Variants in SEPTIN9 observed in about 807,000 individuals in gnomAD.
SEPTIN9 encodes septin 9.
In SEPTIN9, 13 loss-of-function variants were observed where a neutral mutation model predicts 56.6. The ratio of observed to expected loss-of-function variants is 0.23; its 90% CI spans 0.15 to 0.37. The LOEUF (loss-of-function observed/expected upper bound fraction) is 0.37, where lower values mean the gene tolerates loss of function less well. Among genes scored for constraint, SEPTIN9 ranks in the 10% least tolerant of loss-of-function variants. SEPTIN9 has a pLI of 1.00. For missense variants in SEPTIN9, 650 were observed against 823.1 expected (o/e 0.79, Z 2.57); for synonymous variants, 332 against 334.1 (o/e 0.99, Z 0.07).
At chr17:77,399,190 C>G (rs2035824137) in intron 2 of SEPTIN9, among the ~76,000 whole-genome samples, 3 of 152,212 alleles carry the variant, frequency 2.0e-5, no homozygotes, top group Non-Finnish European at 4.4e-5. Flanking sequence ...CACACCAGGG[C>G]AGCCTCTGCT....
intron 2 of SEPTIN9, among the ~76,000 whole-genome samples, chr17:77,377,943 T>C (rs2034991504): frequency 6.6e-6 from 1 of 151,988 alleles, no homozygotes; most frequent in South Asian, 2.1e-4. Context: ...CTTACACGGG[T>C]CCCACAGCCA....
At chr17:77,454,351 G>A (rs1598400210) in intron 3 of SEPTIN9, 8 of 985,394 alleles carry the variant, frequency 8.1e-6, no homozygotes, top group East Asian at 2.3e-4. Context: ...GTGCCAGCCC[G>A]GTTCCCGGAC....
At chr17:77,340,219 C>T (rs2143752730) in intron 2 of SEPTIN9, among the ~76,000 whole-genome samples, 1 of 152,150 alleles carries the variant, frequency 6.6e-6, no homozygotes, top group South Asian at 2.1e-4. Flanking sequence ...CGGCTCACTG[C>T]AACCTCCGCC....
chr17:77,373,180 G>A, intron 2 of SEPTIN9: 1 of 1,071,896 alleles, frequency 9.3e-7, no homozygotes, highest in Non-Finnish European at 1.1e-6. Flanking sequence ...CGGCCACTCG[G>A]GCCCCAGCCC....
At chr17:77,408,243 G>C (rs913030412) in intron 3 of SEPTIN9, among the ~76,000 whole-genome samples, 1 of 152,226 alleles carries the variant, frequency 6.6e-6, no homozygotes, top group Admixed American at 6.5e-5. Flanking sequence ...ATCTGCAGAG[G>C]TGGCTGGGGG....
chr17:77,420,669 ATCTG>A (rs938580920), intron 3 of SEPTIN9, among the ~76,000 whole-genome samples: 1 of 151,660 alleles, frequency 6.6e-6, no homozygotes, highest in Non-Finnish European at 1.5e-5. Flanking sequence ...TCTGTCCCCC[ATCTG>A]TCTCCCACCC....
chr17:77,387,935 CT>C (rs1194635036), intron 2 of SEPTIN9, among the ~76,000 whole-genome samples: 1 of 144,212 alleles, frequency 6.9e-6, no homozygotes, highest in Non-Finnish European at 1.5e-5. Context: ...CAGAGCTTCA[CT>C]TCCCCAAAGG....
rs572909450 is a variant in SEPTIN9 at position 77,455,085 on chromosome 17, A to C, written c.722-27059A>C. Among the ~76,000 whole-genome samples the C allele has an allele frequency of 5.3e-5, 8 of 150,164 alleles. No individual in the cohort carries two copies. The South Asian group carries it at 1.7e-3, about 32-fold the overall frequency. The stretch of plus-strand genomic sequence containing the variant: ...TCCCTCCCTTTTCCCTATAAATAAC[A>C]CTAAATGCGATTTGTCAATGCATTC... On this transcript the variant is annotated intron_variant, in intron 3 of 11. Transcript: ENST00000427177.
rs2035924891 is a variant in SEPTIN9 at position 77,402,242 on chromosome 17, A to C, written c.260A>C (p.Lys87Thr). ...HVDSLSQRSP[K>T]ASLRRVELSG... Reference sequence around the variant, plus strand: ...GACTCCCTAAGCCAACGCTCCCCCAAGGCGTCCCTGCGGAGGGTGGAGCTC... The same window carrying C: ...GACTCCCTAAGCCAACGCTCCCCCACGGCGTCCCTGCGGAGGGTGGAGCTC... The change falls in exon 3 of 12, where the codon AAG becomes ACG. Residue 87 changes from lysine to threonine, a missense_variant. Transcript: ENST00000427177. The surrounding 1 kb of genome is among the most constrained non-coding windows in gnomAD (Gnocchi z 6.6). 3.1e-6 allele frequency: 5 copies of C among 1,613,150 alleles called. No individual in the cohort carries two copies. In the East Asian group the frequency reaches 1.1e-4, roughly 36 times the overall value.
chr17:77,482,723 A>C (rs1598445737), intron 4 of SEPTIN9: 1 of 588,844 alleles, frequency 1.7e-6, no homozygotes, highest in Non-Finnish European at 3.0e-6. Flanking sequence ...ACCCCACCGC[A>C]CCCCGGCCAG....
chr17:77,299,176 T>G (rs1471130447), intron 1 of SEPTIN9, among the ~76,000 whole-genome samples: 1 of 152,252 alleles, frequency 6.6e-6, no homozygotes, highest in Admixed American at 6.5e-5. Flanking sequence ...TCAGTGTTTT[T>G]ATCTCCCTCC....
intron 3 of SEPTIN9, among the ~76,000 whole-genome samples, chr17:77,443,761 A>G (rs1015907867): frequency 6.6e-6 from 1 of 151,864 alleles, no homozygotes; most frequent in Non-Finnish European, 1.5e-5. Context: ...TCGCGCCACT[A>G]CACTCCAGCC....
chr17:77,459,522 T>C (rs556987965), intron 3 of SEPTIN9, among the ~76,000 whole-genome samples: 1 of 152,138 alleles, frequency 6.6e-6, no homozygotes, highest in South Asian at 2.1e-4. Flanking sequence ...TAATACATTG[T>C]GTTCGTCCAT....
At chr17:77,384,593 C>T (rs1000565328) in intron 2 of SEPTIN9, among the ~76,000 whole-genome samples, 1 of 152,006 alleles carries the variant, frequency 6.6e-6, no homozygotes, top group African/African-American at 2.4e-5. Flanking sequence ...CAGAAACACT[C>T]CGGGGTGCCC....
chr17:77,282,857 G>T (rs1427451905), intron 1 of SEPTIN9, among the ~76,000 whole-genome samples: 1 of 152,210 alleles, frequency 6.6e-6, no homozygotes. Context: ...TGAGATTGTT[G>T]TGGGGATCGC....
chr17:77,418,935 CCT>C (rs1194072999), intron 3 of SEPTIN9, among the ~76,000 whole-genome samples: 1 of 152,182 alleles, frequency 6.6e-6, no homozygotes, highest in Non-Finnish European at 1.5e-5. Context: ...TCCCCTCTCC[CCT>C]GTCTCCCAGG....
chr17:77,475,997 G>C lies in SEPTIN9; in HGVS notation c.722-6147G>C, dbSNP rs1568101702. 7.3e-6 allele frequency: 10 copies of C among 1,371,502 alleles called. No homozygotes were observed. The highest frequency in any genetic ancestry group is 1.0e-5 in the Non-Finnish European group (10 of 992,696). 85.0% of individuals were successfully genotyped at this position (1,371,502 alleles called of 1,614,324 possible). A position where few individuals can be genotyped will look rare whatever the true frequency, so the allele number is the denominator to read the frequency against. The stretch of plus-strand genomic sequence containing the variant: ...AGGGGAATGGCATTGACTTGACCCT[G>C]AGCACTTTGTCCTGGGGTGCAGGCC... On this transcript the variant is annotated intron_variant, in intron 3 of 11. Transcript: ENST00000427177. This position sits in a 1 kb window ranked among gnomAD's most constrained non-coding sequence, Gnocchi z 4.6.
intron 1 of SEPTIN9, among the ~76,000 whole-genome samples, chr17:77,290,772 G>T (rs769872146): frequency 5.3e-5 from 8 of 150,368 alleles, no homozygotes; most frequent in African/African-American, 1.5e-4. Flanking sequence ...CCGAGATTGC[G>T]CCAGTGCACT....
intron 3 of SEPTIN9, among the ~76,000 whole-genome samples, chr17:77,413,026 G>C (rs1303762274): frequency 6.6e-6 from 1 of 152,084 alleles, no homozygotes; most frequent in Non-Finnish European, 1.5e-5. Context: ...TCAGCAGCGA[G>C]GTAGGGGTAG....
Sources: allele counts gnomAD v4.1 joint callset (sites outside exome capture counted in the v4.1 genomes callset), GRCh38; gene constraint gnomAD v4.1.1; non-coding constraint Gnocchi (gnomAD v3.1); transcripts MANE v1.5; gene names NCBI Gene and HGNC (gene_info 2026-07-23, HGNC 2026-07-21).